MELTF: variants seen among roughly 807,000 people sequenced by gnomAD.
MELTF encodes the protein melanotransferrin, also known as antigen p97 (melanoma associated) identified by monoclonal antibodies 133.2 and 96.5.
Under a neutral mutation model 83.7 loss-of-function variants are expected in MELTF, and 67 were observed. That is an observed-to-expected ratio of 0.80 (90% CI 0.66 to 0.98). The LOEUF (loss-of-function observed/expected upper bound fraction) is 0.98, where lower values mean the gene tolerates loss of function less well. Ranked by LOEUF, MELTF falls within the 50% of genes least tolerant of loss-of-function variation. MELTF has a pLI of 0.00. For synonymous variants in MELTF, 462 were observed against 447.6 expected, an observed-to-expected ratio of 1.03 and a Z score of -0.41; for missense variants, 1,002 against 1,035.6, an observed-to-expected ratio of 0.97 and a Z score of 0.44.
At position 197,007,391 on chromosome 3, in the gene MELTF, T is replaced by A. The variant is rs996267367; in HGVS notation, c.1751-655A>T. 3.3e-5 allele frequency among the ~76,000 whole-genome samples: 5 copies of A among 152,180 alleles called. No homozygotes were observed. Among genetic ancestry groups the A allele is most frequent in the African/African-American group, 1.2e-4 (5 of 41,430 alleles). ...CATTTTCATGTCTCTGTGCATTCAC[T>A]TAGTATCCATCCTCCTCCCATTTCC... On this transcript the variant is annotated intron_variant, in intron 13 of 15. Transcript: ENST00000296350. The surrounding 1 kb of genome is among the most constrained non-coding windows in gnomAD (Gnocchi z 4.3).
Position 197,008,981 on chromosome 3 carries a change from G to A in MELTF, c.1526-16C>T, listed in dbSNP as rs1249521934. ...TCGCTCACTGCTGGGGTGGAGGGAA[G>A]GGCAATGATGAGGGGCCAGCAGTGG... On this transcript the variant is annotated splice_polypyrimidine_tract_variant and intron_variant, in intron 11 of 15. Transcript: ENST00000296350. The surrounding 1 kb of genome is among the most constrained non-coding windows in gnomAD (Gnocchi z 5.4). 1 of 1,613,402 alleles carries A rather than the reference G, an allele frequency of 6.2e-7. No individual in the cohort carries two copies. The highest frequency in any genetic ancestry group is 8.5e-7 in the Non-Finnish European group (1 of 1,179,690).
In MELTF at chr3:197,003,239, G is replaced by T; in HGVS notation, c.*133C>A. 1 of 973,632 alleles carries T rather than the reference G, an allele frequency of 1.0e-6. No homozygotes were observed. The highest frequency in any genetic ancestry group is 1.2e-6 in the Non-Finnish European group (1 of 812,050). 60.3% of individuals were successfully genotyped at this position (973,632 alleles called of 1,614,324 possible). A position where few individuals can be genotyped will look rare whatever the true frequency, so the allele number is the denominator to read the frequency against. On this transcript the variant is annotated 3_prime_UTR_variant, in exon 16 of 16. Coordinates refer to ENST00000296350, the MANE Select transcript of MELTF (RefSeq NM_005929.6). The surrounding 1 kb of genome is among the most constrained non-coding windows in gnomAD (Gnocchi z 6.2). Reference sequence around the variant, plus strand: ...CGCCAGGTGGCGCCCGTGGGCGGCGGGGCTCCCGGGGAGGCGCCTGCTCCC... The same window carrying T: ...CGCCAGGTGGCGCCCGTGGGCGGCGTGGCTCCCGGGGAGGCGCCTGCTCCC...
rs550008591 is a variant in MELTF at position 197,018,772 on chromosome 3, A to G, written c.713-1482T>C. Among the ~76,000 whole-genome samples the G allele has an allele frequency of 3.3e-5, 5 of 152,344 alleles. No individual in the cohort carries two copies. The East Asian group carries it at 9.6e-4, about 29-fold the overall frequency. Reference sequence around the variant, plus strand: ...CTTTTGACCGCTTTTAACCTGGTTAAGGACATAGTTGACAGGCAATTTTGC... The same window carrying G: ...CTTTTGACCGCTTTTAACCTGGTTAGGGACATAGTTGACAGGCAATTTTGC... On this transcript the variant is annotated intron_variant, in intron 6 of 15. Transcript: ENST00000296350.
chr3:197,021,579 G>T, intron 5 of MELTF, 108 bp from the exon 6 acceptor site: 1 of 996,294 alleles, frequency 1.0e-6, no homozygotes, highest in Non-Finnish European at 1.5e-6. Context: ...ATGGGCATGG[G>T]CTTTCCAGTT....
At position 197,001,794 on chromosome 3, in the gene MELTF, AAACC is replaced by A. The variant is rs974979886; in HGVS notation, c.*1574_*1577del. The A allele has an allele frequency of 9.2e-5, 14 of 151,566 alleles. No homozygotes were observed. The highest frequency in any genetic ancestry group is 3.4e-4 in the African/African-American group (14 of 41,210). 9.4% of individuals were successfully genotyped at this position (151,566 alleles called of 1,614,324 possible). Reference sequence around the variant, plus strand: ...GCTGGCTTGTTTGGCTTTATTTTAGAAACCAACCAACATGTTTCATTAGCACTGA... The same window carrying A: ...GCTGGCTTGTTTGGCTTTATTTTAGAAACCAACATGTTTCATTAGCACTGA... On this transcript the variant is annotated 3_prime_UTR_variant, in exon 16 of 16. Coordinates refer to ENST00000296350, the MANE Select transcript of MELTF (RefSeq NM_005929.6).
In MELTF at chr3:197,024,492, G is replaced by C; in HGVS notation, c.305-7C>G. 3 of 1,565,786 alleles carry C rather than the reference G, an allele frequency of 1.9e-6. No homozygotes were observed. The highest frequency in any genetic ancestry group is 2.6e-6 in the Non-Finnish European group (3 of 1,147,948). ...TAATAGGAGGTACCGACCTCTAGGA[G>C]GGGAGGGGAGTGGGTGAGGGCAGCA... On this transcript the variant is annotated splice_polypyrimidine_tract_variant and splice_region_variant and intron_variant, in intron 3 of 15. Coordinates refer to ENST00000296350, the MANE Select transcript of MELTF (RefSeq NM_005929.6). The surrounding 1 kb of genome is among the most constrained non-coding windows in gnomAD (Gnocchi z 5.3).
rs1442523949 is a variant in MELTF at position 197,011,658 on chromosome 3, C to T, written c.1234-864G>A. Among the ~76,000 whole-genome samples, 1 of 152,158 alleles carries T rather than the reference C, an allele frequency of 6.6e-6. No homozygotes were observed. Among genetic ancestry groups the T allele is most frequent in the Non-Finnish European group, 1.5e-5 (1 of 68,008 alleles). ...CTTTTTCCACCACTCAGACCTCCCC[C>T]TTCCTATTGTGCTGTCGGGCAGGAC... On this transcript the variant is annotated intron_variant, in intron 9 of 15. Coordinates refer to ENST00000296350, the MANE Select transcript of MELTF (RefSeq NM_005929.6). The surrounding 1 kb of genome is among the most constrained non-coding windows in gnomAD (Gnocchi z 4.2).
intron 3 of MELTF, chr3:197,026,394 A>G (rs934256524): frequency 1.3e-5 from 6 of 472,214 alleles, no homozygotes; most frequent in African/African-American, 9.7e-5. Context: ...GGCCCGGGAC[A>G]GCCCGCAGTA....
In MELTF at chr3:197,003,339, G is replaced by C; in HGVS notation, c.*33C>G. 1 of 1,063,572 alleles carries C rather than the reference G, an allele frequency of 9.4e-7. No homozygotes were observed. The highest frequency in any genetic ancestry group is 4.3e-4 in the Middle Eastern group (1 of 2,322). 65.9% of individuals were successfully genotyped at this position (1,063,572 alleles called of 1,614,324 possible). A position where few individuals can be genotyped will look rare whatever the true frequency, so the allele number is the denominator to read the frequency against. On this transcript the variant is annotated 3_prime_UTR_variant, in exon 16 of 16. Transcript: ENST00000296350. The surrounding 1 kb of genome is among the most constrained non-coding windows in gnomAD (Gnocchi z 6.2). ...AAGCCGCCGCGGAAACTCCCCGGGC[G>C]GGCATCGGAGCTCTGGGGCGGGGCG...
intron 6 of MELTF, among the ~76,000 whole-genome samples, chr3:197,020,753 C>G (rs944084359): frequency 6.6e-6 from 1 of 151,768 alleles, no homozygotes; most frequent in African/African-American, 2.4e-5. Context: ...ACTGCAATCT[C>G]TGCCTCCTGG....
Position 197,016,371 on chromosome 3 carries a change from T to A in MELTF, c.901-2A>T. The A allele has an allele frequency of 1.9e-6, 3 of 1,581,012 alleles. No homozygotes were observed. The highest frequency in any genetic ancestry group is 2.6e-6 in the Non-Finnish European group (3 of 1,163,214). ...GCTGCCCTCGTGGCTGAACAGACGC[T>A]GTGTGTCAAGGGGTGTGGTACAGGG... On this transcript the variant is annotated splice_acceptor_variant, in intron 7 of 15. Transcript: ENST00000296350. LOFTEE classifies it high-confidence loss of function.
Position 197,017,123 on chromosome 3 carries a change from G to A in MELTF, c.880C>T (p.Arg294Trp), listed in dbSNP as rs2276790. The change falls in exon 7 of 16, where the codon CGG becomes TGG. Residue 294 changes from arginine to tryptophan, a missense_variant. Physicochemically the swap from Arg to Trp is moderately radical, Grantham distance 101 (BLOSUM62 -3). Transcript: ENST00000296350. ...CCCACCTGGCCTTCGTTGAGCAGCCGGAAGATGAGGCCCCCATCTGTGTCG... is the reference window on the plus strand; with the variant it reads ...CCCACCTGGCCTTCGTTGAGCAGCCAGAAGATGAGGCCCCCATCTGTGTCG... ...RADTDGGLIF[R>W]LLNEGQRLFS... 12,507 of 1,612,238 alleles carry A rather than the reference G, an allele frequency of 7.8e-3. 376 individuals carry two copies. Among genetic ancestry groups the A allele is most frequent in the South Asian group, 0.063 (5,725 of 90,396 alleles).
chr3:197,019,670 G>C (rs1322183839), intron 6 of MELTF: 1 of 1,613,818 alleles, frequency 6.2e-7, no homozygotes, highest in Non-Finnish European at 8.5e-7. Context: ...TCGTCCTGGG[G>C]CCTGTGAACG....
In MELTF at chr3:197,003,746, C is replaced by T; in HGVS notation, c.2137+155G>A. The stretch of plus-strand genomic sequence containing the variant: ...CTCCCGCCCTCCCGGCCCGCAGCCT[C>T]CTGGCCAAAATCCTCCCGGGACACC... On this transcript the variant is annotated intron_variant, in intron 15 of 15. Transcript: ENST00000296350. The surrounding 1 kb of genome is among the most constrained non-coding windows in gnomAD (Gnocchi z 6.2). 1.2e-6 allele frequency: 1 copy of T among 833,622 alleles called. No homozygotes were observed. The highest frequency in any genetic ancestry group is 1.8e-6 in the Non-Finnish European group (1 of 547,964). 51.6% of individuals were successfully genotyped at this position (833,622 alleles called of 1,614,324 possible). A position where few individuals can be genotyped will look rare whatever the true frequency, so the allele number is the denominator to read the frequency against.
rs150391242 is a variant in MELTF at position 197,012,272 on chromosome 3, C to T, written c.1234-1478G>A. Among the ~76,000 whole-genome samples, 277 of 152,338 alleles carry T rather than the reference C, an allele frequency of 1.8e-3. 2 individuals are homozygous for T. Among genetic ancestry groups the T allele is most frequent in the Middle Eastern group, 0.017 (5 of 294 alleles). Reference sequence around the variant, plus strand: ...GTGGGGAGGCTCATACAGCACATCCCGGCTGGTGACTTTGGGCAAGTTACT... The same window carrying T: ...GTGGGGAGGCTCATACAGCACATCCTGGCTGGTGACTTTGGGCAAGTTACT... On this transcript the variant is annotated intron_variant, in intron 9 of 15. Coordinates refer to ENST00000296350, the MANE Select transcript of MELTF (RefSeq NM_005929.6).
In MELTF at chr3:197,003,419, G is replaced by T. The variant is rs1475608508; in HGVS notation, c.2170C>A (p.Leu724Met). 6.4e-5 allele frequency: 71 copies of T among 1,112,330 alleles called. No homozygotes were observed. Among genetic ancestry groups the T allele is most frequent in the Middle Eastern group, 7.7e-4 (2 of 2,592 alleles). 68.9% of individuals were successfully genotyped at this position (1,112,330 alleles called of 1,614,324 possible). The change falls in exon 16 of 16, where the codon CTG (leucine) becomes ATG (methionine). Residue 724 changes from leucine (L) to methionine (M), a missense_variant. By Grantham distance (15) the Leu-to-Met change is conservative. Coordinates refer to ENST00000296350, the MANE Select transcript of MELTF (RefSeq NM_005929.6). This position sits in a 1 kb window ranked among gnomAD's most constrained non-coding sequence, Gnocchi z 6.2. ...CGGGCGGCGAGGGCGGGCAGCAGCAGCGGGAGCAGGGGCGCCCCGGGCGCC... is the reference window on the plus strand; with the variant it reads ...CGGGCGGCGAGGGCGGGCAGCAGCATCGGGAGCAGGGGCGCCCCGGGCGCC... The part of the protein sequence containing the change: ...APAPGAPLLP[L>M]LLPALAARLL...
At position 197,022,829 on chromosome 3, in the gene MELTF, T is replaced by C; in HGVS notation, c.644+128A>G. On this transcript the variant is annotated intron_variant, in intron 5 of 15. Transcript: ENST00000296350. The surrounding 1 kb of genome is among the most constrained non-coding windows in gnomAD (Gnocchi z 5.1). The stretch of plus-strand genomic sequence containing the variant: ...GGCACAGAACTATATAAAGGGTGCT[T>C]TGATGAGACGCAGCCAACATGCCAC... The C allele has an allele frequency of 1.1e-6, 1 of 885,272 alleles. No homozygotes were observed. Among genetic ancestry groups the C allele is most frequent in the Non-Finnish European group, 1.8e-6 (1 of 563,496 alleles). 54.8% of individuals were successfully genotyped at this position (885,272 alleles called of 1,614,324 possible).
chr3:197,008,805 G>A lies in MELTF; in HGVS notation c.1682+4C>T, dbSNP rs1278549611. 1.9e-6 allele frequency: 3 copies of A among 1,614,064 alleles called. No individual in the cohort carries two copies. The highest frequency in any genetic ancestry group is 2.5e-6 in the Non-Finnish European group (3 of 1,179,996). On this transcript the variant is annotated splice_donor_region_variant and intron_variant, in intron 12 of 15. Transcript: ENST00000296350. The surrounding 1 kb of genome is among the most constrained non-coding windows in gnomAD (Gnocchi z 5.4). ...AGCCCCAGACTGCCAGGCCACCCGG[G>A]TACCTGAAGGCGCCGCGGTAGCCGT...
intron 2 of MELTF, among the ~76,000 whole-genome samples, chr3:197,027,498 G>C (rs577156133): frequency 6.6e-6 from 1 of 152,376 alleles, no homozygotes; most frequent in African/African-American, 2.4e-5. Flanking sequence ...CCCTTGGCAG[G>C]GGCCTTGTGG....
Sources: gnomAD v4.1 joint callset for allele counts (sites outside exome capture counted in the v4.1 genomes callset) on GRCh38, gnomAD v4.1.1 for gene constraint, Gnocchi (gnomAD v3.1) non-coding constraint, MANE v1.5 for transcripts, NCBI Gene and HGNC (gene_info 2026-07-23, HGNC 2026-07-21) for gene names.